DOCK3: variants seen among roughly 807,000 people sequenced by gnomAD.
The protein encoded by DOCK3 is dedicator of cytokinesis protein 3.
A neutral mutation model predicts 265.6 loss-of-function variants in DOCK3; 60 were observed. The observed-to-expected ratio is 0.23, with a 90% CI of 0.18 to 0.28. DOCK3 has a LOEUF of 0.28. Among genes scored for constraint, DOCK3 ranks in the 10% least tolerant of loss-of-function variants. DOCK3 has a pLI of 1.00. For synonymous variants in DOCK3, 881 were observed against 938.0 expected, an observed-to-expected ratio of 0.94 and a Z score of 1.11; for missense variants, 1,981 against 2,594.3, an observed-to-expected ratio of 0.76 and a Z score of 5.14.
intron 5 of DOCK3, among the ~76,000 whole-genome samples, chr3:51,024,870 G>A (rs970131770): frequency 9.2e-5 from 14 of 152,184 alleles, no homozygotes; most frequent in African/African-American, 2.9e-4. Flanking sequence ...AACTTGTCAC[G>A]TGGACAGACT....
intron 12 of DOCK3, among the ~76,000 whole-genome samples, chr3:51,190,666 G>T (rs931850934): frequency 1.3e-5 from 2 of 152,218 alleles, no homozygotes; most frequent in Admixed American, 1.3e-4. Context: ...TGCTGTAGTA[G>T]CAGTGGGATT....
chr3:50,833,407 T>A (rs889435760), intron 2 of DOCK3, among the ~76,000 whole-genome samples: 10 of 152,224 alleles, frequency 6.6e-5, no homozygotes, highest in African/African-American at 2.4e-4. Flanking sequence ...ATTATTTGTT[T>A]AAAGTACAGC....
intron 14 of DOCK3, among the ~76,000 whole-genome samples, chr3:51,222,676 C>T (rs1424235325): frequency 6.6e-6 from 1 of 152,082 alleles, no homozygotes. Context: ...CAGCTAAAGA[C>T]CTGATGAAAA....
intron 9 of DOCK3, among the ~76,000 whole-genome samples, chr3:51,105,174 A>G (rs2083236382): frequency 6.6e-6 from 1 of 152,208 alleles, no homozygotes; most frequent in South Asian, 2.1e-4. Flanking sequence ...ATGAGGGAAA[A>G]GAGTGTTCTG....
At chr3:51,169,603 G>A (rs555929229) in intron 12 of DOCK3, among the ~76,000 whole-genome samples, 13 of 152,204 alleles carry the variant, frequency 8.5e-5, no homozygotes, top group South Asian at 2.1e-4. Context: ...AGGGTGGGAC[G>A]AGGGAGATGA....
chr3:51,085,372 T>G (rs770972636), intron 7 of DOCK3, among the ~76,000 whole-genome samples: 10 of 152,184 alleles, frequency 6.6e-5, no homozygotes, highest in Admixed American at 3.9e-4. Flanking sequence ...AGCACATATT[T>G]TTCTCATCAG....
chr3:51,208,029 G>A (rs1173336209), intron 12 of DOCK3, among the ~76,000 whole-genome samples: 1 of 152,122 alleles, frequency 6.6e-6, no homozygotes, highest in Non-Finnish European at 1.5e-5. Context: ...CAGTTCTCCG[G>A]GAATTGACCT....
intron 38 of DOCK3, 52 bp downstream of exon 38, chr3:51,341,437 TG>T: frequency 6.2e-7 from 1 of 1,602,050 alleles, no homozygotes; most frequent in Non-Finnish European, 8.5e-7. Context: ...CTGTGATGCA[TG>T]GCATCTTGAC....
At chr3:50,716,215 G>A (rs1559545112) in intron 1 of DOCK3, among the ~76,000 whole-genome samples, 1 of 151,884 alleles carries the variant, frequency 6.6e-6, no homozygotes. Context: ...TAATGAAATT[G>A]ACAATGGCAT....
At chr3:51,042,992 C>T (rs1425518131) in intron 5 of DOCK3, among the ~76,000 whole-genome samples, 1 of 152,120 alleles carries the variant, frequency 6.6e-6, no homozygotes, top group Non-Finnish European at 1.5e-5. Context: ...ATAGGAAGAA[C>T]CAATATAATT....
At chr3:51,122,270 G>A (rs7643781) in intron 9 of DOCK3, among the ~76,000 whole-genome samples, 147,360 of 152,282 alleles carry the variant, frequency 0.97, 71,332 homozygotes, top group African/African-American at 0.99. Flanking sequence ...GCTTGAGGCC[G>A]GGAGTTTAAG....
chr3:50,906,605 T>G (rs2049516366), intron 4 of DOCK3, among the ~76,000 whole-genome samples: 1 of 152,122 alleles, frequency 6.6e-6, no homozygotes, highest in Admixed American at 6.5e-5. Flanking sequence ...GGATCGGTGG[T>G]GATATCCCCC....
At chr3:51,307,897 T>G (rs939444495) in intron 27 of DOCK3, among the ~76,000 whole-genome samples, 10 of 150,780 alleles carry the variant, frequency 6.6e-5, no homozygotes, top group African/African-American at 2.4e-4. Flanking sequence ...TTTTGTTTTT[T>G]TTTTCTCTCC....
chr3:50,926,826 T>C (rs2050782454), intron 4 of DOCK3, among the ~76,000 whole-genome samples: 1 of 152,252 alleles, frequency 6.6e-6, no homozygotes, highest in Non-Finnish European at 1.5e-5. Context: ...TCTGGGGTTA[T>C]AGTTTCTTGC....
chr3:51,256,334 G>T (rs1438898157), intron 22 of DOCK3, among the ~76,000 whole-genome samples: 1 of 152,152 alleles, frequency 6.6e-6, no homozygotes. Flanking sequence ...GCAGTGGCCT[G>T]ATATCTGCTC....
chr3:50,872,779 C>T (rs2047493093), intron 3 of DOCK3, among the ~76,000 whole-genome samples: 1 of 152,222 alleles, frequency 6.6e-6, no homozygotes, highest in African/African-American at 2.4e-5. Context: ...CTTCTTTCCT[C>T]CCCTTTCCGA....
At chr3:50,968,659 C>T (rs1190352400) in intron 5 of DOCK3, among the ~76,000 whole-genome samples, 1 of 151,754 alleles carries the variant, frequency 6.6e-6, no homozygotes, top group Non-Finnish European at 1.5e-5. Context: ...AAGTGATTCT[C>T]CTGCCTCAGC....
At chr3:50,886,482 T>A (rs2048345321) in intron 3 of DOCK3, among the ~76,000 whole-genome samples, 1 of 151,738 alleles carries the variant, frequency 6.6e-6, no homozygotes, top group South Asian at 2.1e-4. Flanking sequence ...TATGTATACA[T>A]GTGCCATGCT....
intron 25 of DOCK3, chr3:51,276,457 A>C: frequency 1.0e-6 from 1 of 985,140 alleles, no homozygotes. Context: ...AAAAACTTGG[A>C]GGTGACGGTT....
Sources: gnomAD v4.1 joint callset for allele counts (sites outside exome capture counted in the v4.1 genomes callset) on GRCh38, gnomAD v4.1.1 for gene constraint, MANE v1.5 for transcripts, NCBI Gene and HGNC (gene_info 2026-07-23, HGNC 2026-07-21) for gene names.